The following SCN7A variants were observed in gnomAD, a reference collection of about 807,000 sequenced individuals.
SCN7A encodes the protein sodium voltage-gated channel alpha subunit 7.
A neutral mutation model predicts 155.2 loss-of-function variants in SCN7A; 138 were observed. That is an observed-to-expected ratio of 0.89 (90% CI 0.77 to 1.02). The LOEUF (loss-of-function observed/expected upper bound fraction) is 1.02, where lower values mean the gene tolerates loss of function less well. SCN7A is among the 50% of genes least tolerant of loss of function. The pLI is 0.00. For synonymous variants in SCN7A, 693 were observed against 649.0 expected (o/e 1.07, Z -1.03); for missense variants, 2,058 against 1,986.6 (o/e 1.04, Z -0.68).
intron 10 of SCN7A, among the ~76,000 whole-genome samples, chr2:166,458,031 C>T (rs916659100): frequency 7.9e-5 from 12 of 152,032 alleles, no homozygotes; most frequent in Admixed American, 7.9e-4. Context: ...TTTTAATAAG[C>T]CCTGTTATCA....
chr2:166,473,296 C>T (rs1702700229), intron 5 of SCN7A, among the ~76,000 whole-genome samples: 1 of 151,796 alleles, frequency 6.6e-6, no homozygotes, highest in African/African-American at 2.4e-5. Flanking sequence ...AGGGATTACA[C>T]AATAATTAAT....
At chr2:166,455,554 A>AGAAGGG (rs907975614) in intron 11 of SCN7A, among the ~76,000 whole-genome samples, 1 of 152,124 alleles carries the variant, frequency 6.6e-6, no homozygotes, top group Non-Finnish European at 1.5e-5. Context: ...GAGGGGGAAG[A>AGAAGGG]GAAGGGGAAG....
In SCN7A at chr2:166,443,566, A is replaced by C; in HGVS notation, c.1737T>G (p.His579Gln). The part of the protein sequence containing the change: ...WNIFDSMIVF[H>Q]GLIELCLANV... ...TTGCTAGACAAAGTTCTATTAAACC[A>C]TGGAACACTATCATGCTATCAAAAA... The change falls in exon 14 of 26, where the codon CAT (histidine) becomes CAG (glutamine). Residue 579 changes from histidine (H) to glutamine (Q), a missense_variant. Physicochemically the swap from His to Gln is conservative, Grantham distance 24. Coordinates refer to ENST00000643258, the MANE Select transcript of SCN7A (RefSeq NM_002976.4). 1 of 1,593,166 alleles carries C rather than the reference A, an allele frequency of 6.3e-7. No individual in the cohort carries two copies. The highest frequency in any genetic ancestry group is 1.8e-5 in the Admixed American group (1 of 56,946).
rs761517123 is a variant in SCN7A, at chr2:166,427,792, G to A, written c.2849C>T (p.Thr950Ile). Residue 950 changes from threonine to isoleucine, a missense_variant, in exon 18 of 26, where the codon ACT (threonine) becomes ATT (isoleucine). By Grantham distance (89) the Thr-to-Ile change is moderately conservative (BLOSUM62 -1). Transcript: ENST00000643258. Reference protein sequence around the residue: ...IGLVTLLSTGTLAFEDIYMDQ... With the variant: ...IGLVTLLSTGILAFEDIYMDQ... Reference sequence around the variant, plus strand: ...ACACCCTGGCTGCCCACTTACCAGAGTGCCAGTGCTGAGCAGAGTAACAAG... The same window carrying A: ...ACACCCTGGCTGCCCACTTACCAGAATGCCAGTGCTGAGCAGAGTAACAAG... The A allele has an allele frequency of 3.1e-6, 5 of 1,608,168 alleles. No homozygotes were observed. The Admixed American group carries it at 5.0e-5, about 16-fold the overall frequency.
chr2:166,441,550 C>A lies in SCN7A; in HGVS notation c.2003G>T (p.Arg668Leu), dbSNP rs369751581. The change falls in exon 15 of 26, where the codon CGC becomes CTC. Residue 668 changes from arginine to leucine, a missense_variant. By Grantham distance (102) the Arg-to-Leu change is moderately radical (BLOSUM62 -2). Transcript: ENST00000643258. ...GTGGAAAAAGTCATGCATGTGCCAG[C>A]GTGGGAGTTGACAGTCTTTGTCTAT... ...CHIDKDCQLP[R>L]WHMHDFFHSF... The A allele has an allele frequency of 3.7e-6, 6 of 1,613,904 alleles. No individual in the cohort carries two copies. In the Admixed American group the frequency reaches 8.3e-5, roughly 22 times the overall value.
In SCN7A at chr2:166,447,005, C is replaced by T. The variant is rs1033367461; in HGVS notation, c.1387+607G>A. On this transcript the variant is annotated intron_variant, in intron 12 of 25. Coordinates refer to ENST00000643258, the MANE Select transcript of SCN7A (RefSeq NM_002976.4). ...TGTATACCTGTGTAGCAAACCTGCACGTCCTGCACATGTATCCCAGAACTT... is the reference window on the plus strand; with the variant it reads ...TGTATACCTGTGTAGCAAACCTGCATGTCCTGCACATGTATCCCAGAACTT... Among the ~76,000 whole-genome samples the T allele has an allele frequency of 3.3e-5, 5 of 152,128 alleles. No homozygotes were observed. In the South Asian group the frequency reaches 6.2e-4, roughly 19 times the overall value.
chr2:166,426,388 C>T (rs904904931), intron 18 of SCN7A, among the ~76,000 whole-genome samples: 1 of 151,990 alleles, frequency 6.6e-6, no homozygotes, highest in East Asian at 1.9e-4. Context: ...TTCTCTCAAC[C>T]TTAGGATAGG....
chr2:166,432,792 T>G (rs777297757), intron 15 of SCN7A, 40 bp from the exon 16 acceptor site: 2 of 1,404,712 alleles, frequency 1.4e-6, no homozygotes, highest in South Asian at 3.0e-5. Context: ...GTATCTCATT[T>G]TGTTTCATTT....
At chr2:166,481,176 C>T (rs1259576731) in intron 2 of SCN7A, among the ~76,000 whole-genome samples, 1 of 152,128 alleles carries the variant, frequency 6.6e-6, no homozygotes, top group Non-Finnish European at 1.5e-5. Context: ...CTTAGACCTA[C>T]AGTCAAATCC....
rs1452141887 is a variant in SCN7A, at chr2:166,432,586, T to A, written c.2324A>T (p.Lys775Met). The A allele has an allele frequency of 6.2e-7, 1 of 1,613,164 alleles. No homozygotes were observed. ...KILCKTQNVP[K>M]DTMDHVNEVY... ...CTCATTTACATGGTCCATTGTGTCC[T>A]TTGGGACATTTTGTGTTTTGCATAG... The change falls in exon 16 of 26, where the codon AAG becomes ATG. Residue 775 changes from lysine to methionine, a missense_variant. Coordinates refer to ENST00000643258, the MANE Select transcript of SCN7A (RefSeq NM_002976.4).
chr2:166,470,222 T>C (rs952200001), intron 7 of SCN7A, among the ~76,000 whole-genome samples: 5 of 151,808 alleles, frequency 3.3e-5, no homozygotes, highest in Non-Finnish European at 5.9e-5. Context: ...TCTTATTTTA[T>C]ATTACTTTGT....
chr2:166,491,176 C>T (rs1189761968), intron 1 of SCN7A, among the ~76,000 whole-genome samples: 1 of 152,194 alleles, frequency 6.6e-6, no homozygotes, highest in Non-Finnish European at 1.5e-5. Context: ...AAATCAGCAT[C>T]ACCTCCTGTT....
Position 166,441,741 on chromosome 2 carries a change from G to A in SCN7A, c.1812C>T (p.Phe604=). 6.3e-7 allele frequency: 1 copy of A among 1,599,090 alleles called. No individual in the cohort carries two copies. The highest frequency in any genetic ancestry group is 8.5e-7 in the Non-Finnish European group (1 of 1,173,932). The change falls in exon 15 of 26, where the codon TTC becomes TTT. Residue 604 remains phenylalanine, a synonymous_variant. Transcript: ENST00000643258. ...LLRLFRMLRI[F]KLGKYWPTFQ... is the part of the protein sequence containing the mutation. ...ATGTTGGCCAATACTTTCCCAACTTGAAAATTCTTAACTAATAGAGCAATG... is the reference window on the plus strand; with the variant it reads ...ATGTTGGCCAATACTTTCCCAACTTAAAAATTCTTAACTAATAGAGCAATG...
intron 11 of SCN7A, among the ~76,000 whole-genome samples, chr2:166,452,059 A>G (rs1395458008): frequency 1.3e-5 from 2 of 152,184 alleles, no homozygotes; most frequent in African/African-American, 4.8e-5. Flanking sequence ...ATTATACTCA[A>G]TTTAATTACT....
At chr2:166,479,354 G>A (rs1194904564) in intron 2 of SCN7A, among the ~76,000 whole-genome samples, 1 of 152,076 alleles carries the variant, frequency 6.6e-6, no homozygotes, top group Non-Finnish European at 1.5e-5. Context: ...ATAAGTAAAT[G>A]ACGGGCAGGA....
At chr2:166,493,663 T>C (rs1358125132) in intron 1 of SCN7A, among the ~76,000 whole-genome samples, 1 of 152,246 alleles carries the variant, frequency 6.6e-6, no homozygotes, top group Admixed American at 6.5e-5. Context: ...TGTAAGTCAT[T>C]GTCATATAGG....
rs200899928 is a variant in SCN7A at position 166,488,632 on chromosome 2, C to CTT, written c.-127-1666_-127-1665dup. On this transcript the variant is annotated intron_variant, in intron 1 of 25. Coordinates refer to ENST00000643258, the MANE Select transcript of SCN7A (RefSeq NM_002976.4). ...TAAAAAAGCTACTTGTCAACAGTTT[C>CTT]TTTTTTTTTTTTTATTTTTTTTTGA... Among the ~76,000 whole-genome samples, 122 of 144,684 alleles carry CTT rather than the reference C, an allele frequency of 8.4e-4. 2 individuals are homozygous for CTT. In the East Asian group the frequency reaches 0.014, roughly 16 times the overall value. 94.9% of individuals were successfully genotyped at this position (144,684 alleles called of 152,430 possible). A position where few individuals can be genotyped will look rare whatever the true frequency, so the allele number is the denominator to read the frequency against.
chr2:166,483,690 C>G (rs34565090), intron 2 of SCN7A, among the ~76,000 whole-genome samples: 1 of 151,500 alleles, frequency 6.6e-6, no homozygotes, highest in African/African-American at 2.4e-5. Context: ...AAGGAAAGTG[C>G]TGGTTAGGGT....
In SCN7A at chr2:166,444,781, A is replaced by G. The variant is rs1242769761; in HGVS notation, c.1607T>C (p.Leu536Pro). 6.3e-7 allele frequency: 1 copy of G among 1,582,102 alleles called. No homozygotes were observed. The highest frequency in any genetic ancestry group is 8.6e-7 in the Non-Finnish European group (1 of 1,157,474). The change falls in exon 13 of 26, where the codon CTT becomes CCT. Residue 536 changes from leucine to proline, a missense_variant. Physicochemically the swap from Leu to Pro is moderately conservative, Grantham distance 98 (BLOSUM62 -3). Transcript: ENST00000643258. ...HYPMSKQTNTLLNIGNLVFIG... is the reference protein window; with the variant it reads ...HYPMSKQTNTPLNIGNLVFIG... ...TCTTACCAGGTTTCCAATGTTGAGA[A>G]GAGTGTTAGTTTGTTTACTCATTGG... is the stretch of plus-strand genomic sequence containing the variant.
Sources: gnomAD v4.1 joint callset for allele counts (sites outside exome capture counted in the v4.1 genomes callset) on GRCh38, gnomAD v4.1.1 for gene constraint, MANE v1.5 for transcripts, NCBI Gene and HGNC (gene_info 2026-07-23, HGNC 2026-07-21) for gene names.